Variants in MAST3 observed in about 807,000 individuals in gnomAD.
MAST3 encodes microtubule-associated serine/threonine-protein kinase 3.
Under a neutral mutation model 127.0 loss-of-function variants are expected in MAST3, and 43 were observed. The ratio of observed to expected loss-of-function variants is 0.34; its 90% CI spans 0.27 to 0.44. MAST3 has a LOEUF of 0.44. MAST3 is among the 20% of genes least tolerant of loss of function. The probability of loss-of-function intolerance (pLI) is 1.00; values close to 1 mark genes in which losing one functional copy is unlikely to be tolerated. For missense variants in MAST3, 1,390 were observed against 1,919.1 expected (o/e 0.72, Z 5.15); for synonymous variants, 785 against 809.2 (o/e 0.97, Z 0.51).
chr19:18,138,951 C>G (rs1430704148), intron 19 of MAST3, 64 bp from the exon 20 acceptor site: 1 of 1,143,838 alleles, frequency 8.7e-7, no homozygotes, highest in Admixed American at 2.0e-5. Flanking sequence ...CCCCGTATTG[C>G]CACACCGCCC....
At chr19:18,111,295 G>C (rs1389464288) in intron 3 of MAST3, among the ~76,000 whole-genome samples, 2 of 152,180 alleles carry the variant, frequency 1.3e-5, no homozygotes, top group South Asian at 2.1e-4. Flanking sequence ...TCCCCCGGGG[G>C]CCAAGCATCA....
intron 12 of MAST3, 105 bp downstream of exon 12, chr19:18,128,563 A>G (rs1048382086): frequency 1.3e-5 from 15 of 1,195,574 alleles, no homozygotes; most frequent in Non-Finnish European, 1.7e-5. Flanking sequence ...ATGTAGCTTA[A>G]TTAGCATCGG....
At chr19:18,137,638 C>T (rs531983689) in intron 19 of MAST3, among the ~76,000 whole-genome samples, 9 of 152,322 alleles carry the variant, frequency 5.9e-5, no homozygotes, top group African/African-American at 2.2e-4. Flanking sequence ...GTCTGGGGTT[C>T]CCCAGCAAGT....
rs866519290 is a variant in MAST3, at chr19:18,123,199, C to T, written c.400-18C>T. 6.2e-7 allele frequency: 1 copy of T among 1,612,942 alleles called. No individual in the cohort carries two copies. Among genetic ancestry groups the T allele is most frequent in the Non-Finnish European group, 8.5e-7 (1 of 1,179,810 alleles). On this transcript the variant is annotated intron_variant, in intron 6 of 27. Transcript: ENST00000687212. ...TGACGGTGAACTCATGGCTCTGATCCCCACCACTCTCTACCAGTCAAGCTC... is the reference window on the plus strand; with the variant it reads ...TGACGGTGAACTCATGGCTCTGATCTCCACCACTCTCTACCAGTCAAGCTC...
At position 18,137,266 on chromosome 19, in the gene MAST3, C is replaced by A. The variant is rs760124896; in HGVS notation, c.2000C>A (p.Pro667His). 1 of 1,613,848 alleles carries A rather than the reference C, an allele frequency of 6.2e-7. No homozygotes were observed. Among genetic ancestry groups the A allele is most frequent in the African/African-American group, 1.3e-5 (1 of 75,044 alleles). Reference sequence around the variant, plus strand: ...GGCACCCACGAAGTGAAGCAGCACCCCTTTTTCCTGGCCCTGGACTGGGCA... The same window carrying A: ...GGCACCCACGAAGTGAAGCAGCACCACTTTTTCCTGGCCCTGGACTGGGCA... ...TGGTHEVKQH[P>H]FFLALDWAGL... Residue 667 changes from proline (P) to histidine (H), a missense_variant, in exon 19 of 28, where the codon CCC (proline) becomes CAC (histidine). Physicochemically the swap from Pro to His is moderately conservative, Grantham distance 77. Transcript: ENST00000687212.
At chr19:18,138,706 C>A (rs576557175) in intron 19 of MAST3, among the ~76,000 whole-genome samples, 1 of 152,250 alleles carries the variant, frequency 6.6e-6, no homozygotes, top group South Asian at 2.1e-4. Flanking sequence ...ACCATGTTGG[C>A]CAGGCTGGTC....
intron 14 of MAST3, among the ~76,000 whole-genome samples, chr19:18,131,241 C>A (rs1446531194): frequency 6.6e-6 from 1 of 151,964 alleles, no homozygotes; most frequent in Admixed American, 6.6e-5. Context: ...CATGGCGAAA[C>A]CCCCATTCAC....
At chr19:18,125,572 C>G (rs557168848) in intron 11 of MAST3, among the ~76,000 whole-genome samples, 1 of 151,666 alleles carries the variant, frequency 6.6e-6, no homozygotes, top group South Asian at 2.1e-4. Context: ...GAAACCCCAT[C>G]TCTACTAAAG....
chr19:18,148,394 C>T (rs1371882285), intron 27 of MAST3, among the ~76,000 whole-genome samples: 2 of 151,140 alleles, frequency 1.3e-5, no homozygotes, highest in East Asian at 1.9e-4. Flanking sequence ...CCCAGGAGGT[C>T]AAGGCTGCAG....
At chr19:18,124,933 C>CCA (rs1555798758) in intron 11 of MAST3, among the ~76,000 whole-genome samples, 159 bp downstream of exon 11, 4 of 135,860 alleles carry the variant, frequency 2.9e-5, no homozygotes, top group Admixed American at 7.4e-5. Flanking sequence ...TGGTGGAAAC[C>CCA]CCCCCCCTAC....
At position 18,145,700 on chromosome 19, in the gene MAST3, T is replaced by C. The variant is rs1173409474; in HGVS notation, c.3040-43T>C. On this transcript the variant is annotated intron_variant, in intron 24 of 27. Coordinates refer to ENST00000687212, the MANE Select transcript of MAST3 (RefSeq NM_001393504.1). The surrounding 1 kb of genome is among the most constrained non-coding windows in gnomAD (Gnocchi z 5.9). ...CAGCCTGGGCTGGGGTCCCCAGATG[T>C]GGGGCCCAGGCCATTGACCCCACCG... The C allele has an allele frequency of 6.6e-7, 1 of 1,519,902 alleles. No homozygotes were observed. The allele number at this position is 1,519,902 out of a possible 1,614,324, so 94.2% of individuals were successfully genotyped here. A position where few individuals can be genotyped will look rare whatever the true frequency, so the allele number is the denominator to read the frequency against.
chr19:18,107,493 G>A (rs774432200), intron 1 of MAST3, 94 bp from the exon 2 acceptor site: 2 of 1,239,148 alleles, frequency 1.6e-6, no homozygotes, highest in Non-Finnish European at 2.4e-6. Context: ...CATTGGTTGG[G>A]GCATGGGATT....
rs1361520038 is a variant in MAST3 at position 18,134,714 on chromosome 19, G to C, written c.1704+3G>C. 3 of 1,612,554 alleles carry C rather than the reference G, an allele frequency of 1.9e-6. No individual in the cohort carries two copies. The highest frequency in any genetic ancestry group is 2.5e-6 in the Non-Finnish European group (3 of 1,178,952). On this transcript the variant is annotated splice_donor_region_variant and intron_variant, in intron 16 of 27. Coordinates refer to ENST00000687212, the MANE Select transcript of MAST3 (RefSeq NM_001393504.1). ...CCCGAGAGTTCATCGACAAGCAGGTGGGCGGGCAGGTGGGTGGGCAGCCCC... is the reference window on the plus strand; with the variant it reads ...CCCGAGAGTTCATCGACAAGCAGGTCGGCGGGCAGGTGGGTGGGCAGCCCC...
chr19:18,149,518 C>T lies in MAST3; in HGVS notation c.3836C>T (p.Thr1279Ile). 1.3e-6 allele frequency: 2 copies of T among 1,551,962 alleles called. No individual in the cohort carries two copies. Among genetic ancestry groups the T allele is most frequent in the Non-Finnish European group, 1.7e-6 (2 of 1,148,366 alleles). ...ERLDGEAGRR[T>I]RGPEAELVVM... Reference sequence around the variant, plus strand: ...CTGGATGGGGAGGCGGGGCGGCGCACTCGTGGGCCAGAGGCCGAGCTCGTG... The same window carrying T: ...CTGGATGGGGAGGCGGGGCGGCGCATTCGTGGGCCAGAGGCCGAGCTCGTG... The change falls in exon 28 of 28, where the codon ACT becomes ATT. Residue 1279 changes from threonine to isoleucine, a missense_variant. By Grantham distance (89) the Thr-to-Ile change is moderately conservative. Coordinates refer to ENST00000687212, the MANE Select transcript of MAST3 (RefSeq NM_001393504.1). This position sits in a 1 kb window ranked among gnomAD's most constrained non-coding sequence, Gnocchi z 5.9.
chr19:18,115,987 C>T (rs772327843), intron 3 of MAST3, among the ~76,000 whole-genome samples: 1 of 152,176 alleles, frequency 6.6e-6, no homozygotes, highest in African/African-American at 2.4e-5. Flanking sequence ...CCATTTCTGG[C>T]TGGCTGCAGC....
Position 18,151,468 on chromosome 19 carries a change from A to C in MAST3, c.*1742A>C, listed in dbSNP as rs2043520676. 1 of 152,196 alleles carries C rather than the reference A, an allele frequency of 6.6e-6. No homozygotes were observed. Among genetic ancestry groups the C allele is most frequent in the East Asian group, 1.9e-4 (1 of 5,194 alleles). 9.4% of individuals were successfully genotyped at this position (152,196 alleles called of 1,614,324 possible). ...GCTTGAATGGAGGGTCTGGTGTCAG[A>C]TACAGCCGACTCCAGCCCCAGCTCA... On this transcript the variant is annotated 3_prime_UTR_variant, in exon 28 of 28. Coordinates refer to ENST00000687212, the MANE Select transcript of MAST3 (RefSeq NM_001393504.1).
chr19:18,122,587 A>G lies in MAST3; in HGVS notation c.321-86A>G, dbSNP rs1384431522. 3 of 1,158,576 alleles carry G rather than the reference A, an allele frequency of 2.6e-6. No individual in the cohort carries two copies. In the Admixed American group the frequency reaches 5.9e-5, roughly 23 times the overall value. The allele number at this position is 1,158,576 out of a possible 1,614,324, so 71.8% of individuals were successfully genotyped here. ...AGATCCTTCCTACAACAGGGCCAGA[A>G]TATGCTGGCCACAGTGTCTGTTCTT... On this transcript the variant is annotated intron_variant, in intron 5 of 27. Coordinates refer to ENST00000687212, the MANE Select transcript of MAST3 (RefSeq NM_001393504.1).
At chr19:18,098,973 G>A (rs1310258453) in intron 1 of MAST3, 1 of 338,626 alleles carries the variant, frequency 3.0e-6, no homozygotes, top group Non-Finnish European at 5.9e-6. Context: ...CTGGGGTAGA[G>A]GAGGCAGCCA....
chr19:18,125,740 C>T (rs1351336887), intron 11 of MAST3, among the ~76,000 whole-genome samples: 1 of 123,812 alleles, frequency 8.1e-6, no homozygotes, highest in Non-Finnish European at 1.7e-5. Context: ...GACTCTGTCT[C>T]AAAAAAAAAA....
Sources: allele counts gnomAD v4.1 joint callset (sites outside exome capture counted in the v4.1 genomes callset), GRCh38; gene constraint gnomAD v4.1.1; non-coding constraint Gnocchi (gnomAD v3.1); transcripts MANE v1.5; gene names NCBI Gene and HGNC (gene_info 2026-07-23, HGNC 2026-07-21).